The following CPLANE1 variants were observed in gnomAD, a reference collection of about 807,000 sequenced individuals.
The protein encoded by CPLANE1 is ciliogenesis and planar polarity effector 1.
A neutral mutation model predicts 362.5 loss-of-function variants in CPLANE1; 263 were observed. That is an observed-to-expected ratio of 0.73 (90% CI 0.66 to 0.80). The LOEUF (loss-of-function observed/expected upper bound fraction) is 0.80. CPLANE1 is among the 30% of genes least tolerant of loss of function. The pLI is 0.00. For synonymous variants in CPLANE1, 1,212 were observed against 1,302.6 expected (o/e 0.93, Z 1.50); for missense variants, 3,461 against 3,793.4 (o/e 0.91, Z 2.30).
rs1185348070 is a variant in CPLANE1, at chr5:37,107,109, G to GT, written c.*492dup. ...ATTCAGGGTTGGTAAAAGGTAGTTGGTTTTTCTTTTCACTCCTAGGCTAAA... is the reference window on the plus strand; with the variant it reads ...ATTCAGGGTTGGTAAAAGGTAGTTGGTTTTTTCTTTTCACTCCTAGGCTAAA... On this transcript the variant is annotated 3_prime_UTR_variant, in exon 53 of 53. Coordinates refer to ENST00000651892, the MANE Select transcript of CPLANE1 (RefSeq NM_001384732.1). 14 of 985,264 alleles carry GT rather than the reference G, an allele frequency of 1.4e-5. No individual in the cohort carries two copies. Among genetic ancestry groups the GT allele is most frequent in the Non-Finnish European group, 1.7e-5 (14 of 829,926 alleles). 61.0% of individuals were successfully genotyped at this position (985,264 alleles called of 1,614,324 possible).
In CPLANE1 at chr5:37,245,587, C is replaced by G; in HGVS notation, c.229G>C (p.Ala77Pro). The change falls in exon 4 of 53, where the codon GCT becomes CCT. Residue 77 changes from alanine to proline, a missense_variant. This residue lies in a region of CPLANE1 where 3,380 missense variants were observed against 3,666.1 expected (regional missense o/e 0.92). Transcript: ENST00000651892. ...AGCTCTCCTGTAGTTAGTACCCCAGCCAGCCAGGCATCTGTTTCCAAAAAT... is the reference window on the plus strand; with the variant it reads ...AGCTCTCCTGTAGTTAGTACCCCAGGCAGCCAGGCATCTGTTTCCAAAAAT... ...LTTSSNDAWLAGVLTTGELFL... is the reference protein window; with the variant it reads ...LTTSSNDAWLPGVLTTGELFL... 1.3e-6 allele frequency: 2 copies of G among 1,515,526 alleles called. No individual in the cohort carries two copies. The highest frequency in any genetic ancestry group is 1.8e-6 in the Non-Finnish European group (2 of 1,132,310). The allele number at this position is 1,515,526 out of a possible 1,614,324, so 93.9% of individuals were successfully genotyped here. A position where few individuals can be genotyped will look rare whatever the true frequency, so the allele number is the denominator to read the frequency against.
the CPLANE1 span, among the ~76,000 whole-genome samples, chr5:37,079,067 T>C: frequency 2.0e-5 from 3 of 152,354 alleles, no homozygotes; most frequent in East Asian, 5.8e-4. Context: ...TAGATCCCAG[T>C]CGTCAATTTT....
chr5:37,096,660 C>T, the CPLANE1 span, among the ~76,000 whole-genome samples: 72 of 151,998 alleles, frequency 4.7e-4, no homozygotes, highest in East Asian at 2.1e-3. Flanking sequence ...TCTATACATC[C>T]GACAAAGAAC....
rs536058626 is a variant in CPLANE1, at chr5:37,216,745, C to G, written c.2747-3013G>C. On this transcript the variant is annotated intron_variant, in intron 15 of 52. Transcript: ENST00000651892. Reference sequence around the variant, plus strand: ...TTGAAAATAAATTAGCTTAAAACTACTAAATACTGTATAGATAAATACTAG... The same window carrying G: ...TTGAAAATAAATTAGCTTAAAACTAGTAAATACTGTATAGATAAATACTAG... Among the ~76,000 whole-genome samples, 14 of 152,292 alleles carry G rather than the reference C, an allele frequency of 9.2e-5. No homozygotes were observed. In the South Asian group the frequency reaches 1.5e-3, roughly 16 times the overall value.
chr5:37,079,234 G>T, the CPLANE1 span, among the ~76,000 whole-genome samples: 2 of 152,130 alleles, frequency 1.3e-5, no homozygotes, highest in African/African-American at 4.8e-5. Context: ...TTGTATGAAG[G>T]TGTAAGGAAA....
intron 16 of CPLANE1, chr5:37,212,319 T>A: frequency 1.1e-6 from 1 of 909,524 alleles, no homozygotes; most frequent in Admixed American, 1.7e-5. Context: ...CACACTGCAA[T>A]GTAGTGACAA....
In CPLANE1 at chr5:37,244,371, T is replaced by C; in HGVS notation, c.570+4A>G. 1 of 1,544,518 alleles carries C rather than the reference T, an allele frequency of 6.5e-7. No individual in the cohort carries two copies. Among genetic ancestry groups the C allele is most frequent in the Non-Finnish European group, 8.7e-7 (1 of 1,143,060 alleles). The stretch of plus-strand genomic sequence containing the variant: ...CACAGATAAGAGTCTGAGACTGATT[T>C]TACCTCATTTTTTATAAAAACAGCA... On this transcript the variant is annotated splice_donor_region_variant and intron_variant, in intron 5 of 52. Coordinates refer to ENST00000651892, the MANE Select transcript of CPLANE1 (RefSeq NM_001384732.1).
chr5:37,120,367 C>T lies in CPLANE1; in HGVS notation c.9186-27G>A, dbSNP rs76897187. On this transcript the variant is annotated intron_variant, in intron 49 of 52. Coordinates refer to ENST00000651892, the MANE Select transcript of CPLANE1 (RefSeq NM_001384732.1). Reference sequence around the variant, plus strand: ...TATAGTAGAAATCACATAATTATTACATTCCCAGAATCTCATATCAGCGAT... The same window carrying T: ...TATAGTAGAAATCACATAATTATTATATTCCCAGAATCTCATATCAGCGAT... 4.4e-3 allele frequency: 6,681 copies of T among 1,534,210 alleles called. 18 individuals carry two copies. Among genetic ancestry groups the T allele is most frequent in the Non-Finnish European group, 5.3e-3 (6,034 of 1,145,696 alleles).
intron 17 of CPLANE1, 51 bp from the exon 18 acceptor site, chr5:37,205,505 GA>G (rs776913029): frequency 2.2e-6 from 3 of 1,348,614 alleles, no homozygotes; most frequent in Non-Finnish European, 3.0e-6. Context: ...GAAAAAAAAG[GA>G]AAGGTTTCAC....
chr5:37,219,243 C>T (rs1277058179), intron 15 of CPLANE1, among the ~76,000 whole-genome samples: 2 of 151,712 alleles, frequency 1.3e-5, no homozygotes, highest in Non-Finnish European at 2.9e-5. Flanking sequence ...AAATTAGCCA[C>T]GCATGGCTGG....
chr5:37,091,740 A>T, the CPLANE1 span, among the ~76,000 whole-genome samples: 7 of 152,198 alleles, frequency 4.6e-5, no homozygotes, highest in Admixed American at 2.6e-4. Context: ...TGTGGGGAAG[A>T]GGGTAGGCTT....
At chr5:37,229,216 C>CA (rs35861833) in intron 9 of CPLANE1, among the ~76,000 whole-genome samples, 3,522 of 90,672 alleles carry the variant, frequency 0.039, 162 homozygotes, top group African/African-American at 0.12. Context: ...GACTCGGTCT[C>CA]AAAAAAAAAA....
rs528845065 is a variant in CPLANE1, at chr5:37,227,551, A to C, written c.1371+17T>G. ...GAAAAAGGCAACTTTCCCCAATGAT[A>C]TAAAAAAGCACTATACCTTAGACAA... On this transcript the variant is annotated intron_variant, in intron 10 of 52. Transcript: ENST00000651892. The C allele has an allele frequency of 6.6e-7, 1 of 1,515,278 alleles. No individual in the cohort carries two copies. Among genetic ancestry groups the C allele is most frequent in the Non-Finnish European group, 8.8e-7 (1 of 1,133,492 alleles). The allele number at this position is 1,515,278 out of a possible 1,614,324, so 93.9% of individuals were successfully genotyped here.
At chr5:37,215,836 C>G (rs1408332026) in intron 15 of CPLANE1, among the ~76,000 whole-genome samples, 1 of 81,366 alleles carries the variant, frequency 1.2e-5, no homozygotes, top group African/African-American at 4.8e-5. Flanking sequence ...TTCTTTTTTT[C>G]TTTTTTGTTT....
At chr5:37,163,033 T>C (rs116724120) in intron 37 of CPLANE1, among the ~76,000 whole-genome samples, 64 of 152,336 alleles carry the variant, frequency 4.2e-4, no homozygotes, top group African/African-American at 1.4e-3. Context: ...AAAGACATGG[T>C]AGAATCAAAA....
intron 50 of CPLANE1, among the ~76,000 whole-genome samples, chr5:37,116,435 G>A (rs1022696135): frequency 5.0e-5 from 7 of 138,726 alleles, no homozygotes; most frequent in African/African-American, 7.9e-5. Context: ...GAAGTGAGGT[G>A]AGATCACGCC....
chr5:37,198,646 T>C (rs1377837131), intron 20 of CPLANE1, 56 bp downstream of exon 20: 31 of 1,477,724 alleles, frequency 2.1e-5, no homozygotes, highest in Non-Finnish European at 2.8e-5. Context: ...AACAATAATA[T>C]AAATATGAGT....
At chr5:37,089,388 A>G in the CPLANE1 span, among the ~76,000 whole-genome samples, 1 of 152,168 alleles carries the variant, frequency 6.6e-6, no homozygotes, top group East Asian at 1.9e-4. Flanking sequence ...CTTTCAAACA[A>G]TGGCCACTGT....
At chr5:37,232,526 A>G (rs1580947088) in intron 8 of CPLANE1, among the ~76,000 whole-genome samples, 1 of 150,854 alleles carries the variant, frequency 6.6e-6, no homozygotes, top group Non-Finnish European at 1.5e-5. Flanking sequence ...TGGGGGAAAA[A>G]AAAAAAAAAA....
Sources: allele counts gnomAD v4.1 joint callset (sites outside exome capture counted in the v4.1 genomes callset), GRCh38; gene constraint gnomAD v4.1.1; regional missense constraint gnomAD v4.1.1; transcripts MANE v1.5; gene names NCBI Gene and HGNC (gene_info 2026-07-23, HGNC 2026-07-21).